LIMCH1: variants seen among roughly 807,000 people sequenced by gnomAD.
LIMCH1 encodes the protein LIM and calponin homology domains 1.
A neutral mutation model predicts 176.5 loss-of-function variants in LIMCH1; 113 were observed. That is an observed-to-expected ratio of 0.64 (90% CI 0.55 to 0.75). LIMCH1 has a LOEUF of 0.75. Ranked by LOEUF, LIMCH1 falls within the 30% of genes least tolerant of loss-of-function variation. The pLI is 0.00. For synonymous variants in LIMCH1, 619 were observed against 645.9 expected (o/e 0.96, Z 0.63); for missense variants, 1,674 against 1,814.9 (o/e 0.92, Z 1.41).
At chr4:41,508,631 G>A (rs1407531793) in intron 2 of LIMCH1, among the ~76,000 whole-genome samples, 1 of 152,198 alleles carries the variant, frequency 6.6e-6, no homozygotes, top group Non-Finnish European at 1.5e-5. Flanking sequence ...TTGAGGAAGT[G>A]TCTCCCCTGG....
At chr4:41,531,404 T>C (rs1249299530) in intron 3 of LIMCH1, among the ~76,000 whole-genome samples, 1 of 151,612 alleles carries the variant, frequency 6.6e-6, no homozygotes, top group Non-Finnish European at 1.5e-5. Context: ...GTCAGAGTGA[T>C]TTTATTCATA....
upstream of LIMCH1, chr4:41,360,765 G>C: frequency 8.7e-7 from 1 of 1,143,770 alleles, no homozygotes; most frequent in Non-Finnish European, 1.2e-6. This position sits in a 1 kb window ranked among gnomAD's most constrained non-coding sequence, Gnocchi z 4.5. Context: ...GGGAAGGGGC[G>C]GGGAGCGCGC....
chr4:41,365,211 C>T (rs1312455239), intron 1 of LIMCH1, among the ~76,000 whole-genome samples: 1 of 152,176 alleles, frequency 6.6e-6, no homozygotes, highest in Non-Finnish European at 1.5e-5. Context: ...GCCCATGGGG[C>T]TTGGTGATGA....
At chr4:41,696,608 T>C (rs1730856234) in intron 31 of LIMCH1, among the ~76,000 whole-genome samples, 1 of 152,218 alleles carries the variant, frequency 6.6e-6, no homozygotes, top group East Asian at 1.9e-4. Context: ...AACATAAGTA[T>C]GTCCCAAATA....
intron 1 of LIMCH1, among the ~76,000 whole-genome samples, chr4:41,414,478 A>G (rs1273410025): frequency 6.6e-6 from 1 of 152,244 alleles, no homozygotes; most frequent in Non-Finnish European, 1.5e-5. Context: ...TTAGAGTCAG[A>G]TGTTTAGACA....
At chr4:41,542,527 CT>C (rs1470776605) in intron 1 of LIMCH1, among the ~76,000 whole-genome samples, 2 of 152,150 alleles carry the variant, frequency 1.3e-5, no homozygotes, top group African/African-American at 4.8e-5. Flanking sequence ...TATAAATAAA[CT>C]TGTTAGAAAG....
chr4:41,697,502 G>C lies in LIMCH1; in HGVS notation c.*317G>C. The C allele has an allele frequency of 6.2e-6, 2 of 322,484 alleles. No homozygotes were observed. The highest frequency in any genetic ancestry group is 4.5e-5 in the Admixed American group (1 of 22,112). 20.0% of individuals were successfully genotyped at this position (322,484 alleles called of 1,614,324 possible). On this transcript the variant is annotated 3_prime_UTR_variant, in exon 32 of 32. Coordinates refer to ENST00000503057, the MANE Select transcript of LIMCH1 (RefSeq NM_001330672.2). ...TTTAAAATGTGTTATTCTCTTCTTT[G>C]GGAATTAGCTAAATGATGCAATAAA...
chr4:41,644,781 G>T (rs1046901386), intron 15 of LIMCH1, among the ~76,000 whole-genome samples, 155 bp downstream of exon 15: 3 of 152,162 alleles, frequency 2.0e-5, no homozygotes, highest in African/African-American at 7.2e-5. Context: ...TCAAAGGAAG[G>T]TGAGTAGCAG....
chr4:41,606,498 T>C (rs2090733087), intron 4 of LIMCH1, among the ~76,000 whole-genome samples: 2 of 152,194 alleles, frequency 1.3e-5, no homozygotes, highest in African/African-American at 4.8e-5. Context: ...CATTCTCCTC[T>C]AACATGTGCA....
intron 1 of LIMCH1, among the ~76,000 whole-genome samples, chr4:41,452,522 T>G (rs1356596576): frequency 6.6e-6 from 1 of 152,218 alleles, no homozygotes; most frequent in African/African-American, 2.4e-5. Context: ...AACACTGGGC[T>G]TTGTTGTATT....
At chr4:41,497,170 G>A (rs1386713646) in intron 2 of LIMCH1, among the ~76,000 whole-genome samples, 1 of 152,204 alleles carries the variant, frequency 6.6e-6, no homozygotes, top group Non-Finnish European at 1.5e-5. Context: ...GCAAATACAT[G>A]AGCAGCATTG....
At chr4:41,420,739 C>T (rs565264888) in intron 1 of LIMCH1, among the ~76,000 whole-genome samples, 13 of 152,322 alleles carry the variant, frequency 8.5e-5, no homozygotes, top group African/African-American at 2.2e-4. Flanking sequence ...CTGAAATTCT[C>T]GAGTTCTGCT....
intron 1 of LIMCH1, among the ~76,000 whole-genome samples, chr4:41,408,264 G>C (rs140902517): frequency 6.2e-4 from 94 of 152,280 alleles, no homozygotes; most frequent in African/African-American, 2.1e-3. Context: ...AGATGGCTGG[G>C]TTAGAGCAGG....
At chr4:41,406,004 A>T (rs2058920349) in intron 1 of LIMCH1, among the ~76,000 whole-genome samples, 1 of 152,210 alleles carries the variant, frequency 6.6e-6, no homozygotes, top group Admixed American at 6.5e-5. Context: ...TCAGGGGAGC[A>T]GTTTGTTTCA....
intron 1 of LIMCH1, among the ~76,000 whole-genome samples, chr4:41,486,652 G>C (rs2069592798): frequency 6.6e-6 from 1 of 152,166 alleles, no homozygotes; most frequent in Non-Finnish European, 1.5e-5. Context: ...TAGTATACGA[G>C]GTGAGGGCTT....
chr4:41,641,987 G>A (rs920014964), intron 14 of LIMCH1, among the ~76,000 whole-genome samples: 3 of 152,154 alleles, frequency 2.0e-5, no homozygotes, highest in Non-Finnish European at 4.4e-5. Flanking sequence ...AATTCTTAAG[G>A]TCTGCTCTCA....
At chr4:41,518,361 C>T (rs1437864015) in intron 2 of LIMCH1, among the ~76,000 whole-genome samples, 1 of 152,158 alleles carries the variant, frequency 6.6e-6, no homozygotes, top group Non-Finnish European at 1.5e-5. Context: ...CTCTCTCTTC[C>T]AGAGTAGGGC....
At chr4:41,652,494 A>T (rs1282511244) in intron 18 of LIMCH1, among the ~76,000 whole-genome samples, 1 of 152,214 alleles carries the variant, frequency 6.6e-6, no homozygotes, top group Non-Finnish European at 1.5e-5. Context: ...TTTCTTGCAG[A>T]TGATCACGAG....
chr4:41,547,251 A>C (rs2079566063), intron 1 of LIMCH1, among the ~76,000 whole-genome samples: 1 of 151,842 alleles, frequency 6.6e-6, no homozygotes, highest in African/African-American at 2.4e-5. Flanking sequence ...ACTGGAACAT[A>C]CTCCTCCTGT....
Sources: gnomAD v4.1 joint callset for allele counts (sites outside exome capture counted in the v4.1 genomes callset) on GRCh38, gnomAD v4.1.1 for gene constraint, Gnocchi (gnomAD v3.1) non-coding constraint, MANE v1.5 for transcripts, NCBI Gene and HGNC (gene_info 2026-07-23, HGNC 2026-07-21) for gene names.